Variants in KCNQ5 observed in about 807,000 individuals in gnomAD.
The protein encoded by KCNQ5 is potassium voltage-gated channel subfamily Q member 5.
In KCNQ5, 30 loss-of-function variants were observed where a neutral mutation model predicts 98.2. That is an observed-to-expected ratio of 0.31 (90% CI 0.23 to 0.41). The LOEUF is 0.41. Among genes scored for constraint, KCNQ5 ranks in the 10% least tolerant of loss-of-function variants. KCNQ5 has a pLI of 1.00. For missense variants in KCNQ5, 835 were observed against 1,182.5 expected (o/e 0.71, Z 4.31); for synonymous variants, 458 against 449.4 (o/e 1.02, Z -0.24).
At chr6:72,935,707 G>A (rs941409004) in intron 1 of KCNQ5, among the ~76,000 whole-genome samples, 6 of 152,026 alleles carry the variant, frequency 3.9e-5, no homozygotes, top group Admixed American at 1.3e-4. Flanking sequence ...TCAAAGGGAC[G>A]GTCTCCACTT....
intron 1 of KCNQ5, among the ~76,000 whole-genome samples, chr6:72,798,983 T>C (rs1774489122): frequency 6.6e-6 from 1 of 152,164 alleles, no homozygotes. Context: ...GTGTGGGATA[T>C]GTTTTTAAAT....
At chr6:73,166,801 TC>T (rs1777821011) in intron 10 of KCNQ5, among the ~76,000 whole-genome samples, 1 of 152,174 alleles carries the variant, frequency 6.6e-6, no homozygotes, top group Non-Finnish European at 1.5e-5. Flanking sequence ...TCCCTGGTGT[TC>T]CTTAGCTTGT....
At chr6:73,151,533 T>C (rs1777147067) in intron 10 of KCNQ5, among the ~76,000 whole-genome samples, 3 of 152,226 alleles carry the variant, frequency 2.0e-5, no homozygotes, top group Admixed American at 2.0e-4. Flanking sequence ...TTTCTTACCT[T>C]TTGCTTTTCC....
intron 5 of KCNQ5, among the ~76,000 whole-genome samples, chr6:73,104,162 T>G (rs1774910689): frequency 1.3e-5 from 2 of 151,932 alleles, no homozygotes; most frequent in South Asian, 4.1e-4. Flanking sequence ...AGAAAGGAAA[T>G]TTTTGCTGTT....
chr6:73,138,233 G>T (rs974803387), intron 10 of KCNQ5, among the ~76,000 whole-genome samples: 1 of 152,160 alleles, frequency 6.6e-6, no homozygotes, highest in South Asian at 2.1e-4. Flanking sequence ...AAGATGCACA[G>T]GTGTTGCCAA....
chr6:73,028,093 T>C (rs543777829), intron 2 of KCNQ5, among the ~76,000 whole-genome samples: 1 of 152,242 alleles, frequency 6.6e-6, no homozygotes, highest in Non-Finnish European at 1.5e-5. Flanking sequence ...TGGGGGATAC[T>C]GTACTTTCAG....
intron 1 of KCNQ5, among the ~76,000 whole-genome samples, chr6:72,707,678 T>C (rs1769158458): frequency 2.0e-5 from 3 of 152,194 alleles, no homozygotes; most frequent in South Asian, 2.1e-4. Context: ...ATCCCACTTA[T>C]AAATTTTATG....
chr6:73,171,126 A>G (rs539465476), intron 11 of KCNQ5, among the ~76,000 whole-genome samples: 20 of 152,300 alleles, frequency 1.3e-4, no homozygotes, highest in African/African-American at 4.3e-4. Flanking sequence ...AAAGATTTTC[A>G]TAAATGTTTG....
At chr6:73,104,496 A>G (rs1774923935) in intron 5 of KCNQ5, among the ~76,000 whole-genome samples, 1 of 152,170 alleles carries the variant, frequency 6.6e-6, no homozygotes. Context: ...CCAGCTGAAC[A>G]ACTCATACTT....
At chr6:73,033,087 G>A (rs1771223707) in intron 2 of KCNQ5, among the ~76,000 whole-genome samples, 3 of 152,234 alleles carry the variant, frequency 2.0e-5, no homozygotes, top group Non-Finnish European at 4.4e-5. Context: ...AGAGAGGACG[G>A]AAGTCCTCTC....
Position 73,111,406 on chromosome 6 carries a change from A to G in KCNQ5, c.1125+3A>G, listed in dbSNP as rs2150427229. 1.3e-6 allele frequency: 2 copies of G among 1,597,178 alleles called. No homozygotes were observed. Among genetic ancestry groups the G allele is most frequent in the Admixed American group, 3.5e-5 (2 of 56,776 alleles). On this transcript the variant is annotated splice_donor_region_variant and intron_variant, in intron 7 of 13. Coordinates refer to ENST00000370398, the MANE Select transcript of KCNQ5 (RefSeq NM_019842.4). Reference sequence around the variant, plus strand: ...ACCCAGCTGCCAACCTCATTCAGGTAAATGTCAATGTAATAGGTAGATGGC... The same window carrying G: ...ACCCAGCTGCCAACCTCATTCAGGTGAATGTCAATGTAATAGGTAGATGGC...
chr6:72,681,891 C>A (rs1263076750), intron 1 of KCNQ5, among the ~76,000 whole-genome samples: 1 of 152,168 alleles, frequency 6.6e-6, no homozygotes, highest in African/African-American at 2.4e-5. Context: ...CTAGCCCTAT[C>A]CTAGATTTGC....
intron 2 of KCNQ5, among the ~76,000 whole-genome samples, chr6:73,032,248 A>C (rs1243980026): frequency 6.6e-6 from 1 of 152,072 alleles, no homozygotes; most frequent in African/African-American, 2.4e-5. Context: ...GCTCACTGCA[A>C]CCTCCACCTC....
At chr6:72,882,812 G>A (rs1778686486) in intron 1 of KCNQ5, among the ~76,000 whole-genome samples, 1 of 152,046 alleles carries the variant, frequency 6.6e-6, no homozygotes, top group Admixed American at 6.6e-5. Context: ...CATTCTGCTG[G>A]GTTGGTGCTG....
rs138642399 is a variant in KCNQ5, at chr6:72,817,557, G to A, written c.399-186351G>A. ...CAATCATGGAACCACAATTAAAGCTGGGCAAGACATGGAAGGTTTCCTGAT... is the reference window on the plus strand; with the variant it reads ...CAATCATGGAACCACAATTAAAGCTAGGCAAGACATGGAAGGTTTCCTGAT... On this transcript the variant is annotated intron_variant, in intron 1 of 13. Coordinates refer to ENST00000370398, the MANE Select transcript of KCNQ5 (RefSeq NM_019842.4). Among the ~76,000 whole-genome samples the A allele has an allele frequency of 2.0e-3, 298 of 152,232 alleles. 1 individual carries two copies. Among genetic ancestry groups the A allele is most frequent in the African/African-American group, 7.0e-3 (292 of 41,550 alleles).
intron 1 of KCNQ5, among the ~76,000 whole-genome samples, chr6:72,828,317 G>A (rs945724265): frequency 2.0e-5 from 3 of 152,070 alleles, no homozygotes; most frequent in African/African-American, 7.2e-5. Flanking sequence ...ATTGCATTGG[G>A]TAGAATTGTC....
intron 1 of KCNQ5, among the ~76,000 whole-genome samples, chr6:72,739,925 T>A (rs1771044369): frequency 6.6e-6 from 1 of 152,204 alleles, no homozygotes; most frequent in African/African-American, 2.4e-5. Flanking sequence ...CAAGATACCA[T>A]AAACTTGCTG....
chr6:73,072,158 T>C (rs1260507249), intron 3 of KCNQ5, among the ~76,000 whole-genome samples: 4 of 152,126 alleles, frequency 2.6e-5, no homozygotes, highest in African/African-American at 9.7e-5. Flanking sequence ...GGGAAAACTT[T>C]CTGAGACTAT....
intron 1 of KCNQ5, among the ~76,000 whole-genome samples, chr6:72,916,888 G>A (rs1449353248): frequency 6.6e-6 from 1 of 152,174 alleles, no homozygotes; most frequent in Non-Finnish European, 1.5e-5. Context: ...AACTTCTGCA[G>A]TCACTTACAG....
Sources: gnomAD v4.1 joint callset for allele counts (sites outside exome capture counted in the v4.1 genomes callset) on GRCh38, gnomAD v4.1.1 for gene constraint, MANE v1.5 for transcripts, NCBI Gene and HGNC (gene_info 2026-07-23, HGNC 2026-07-21) for gene names.